PRKCQ: variants seen among roughly 807,000 people sequenced by gnomAD.
PRKCQ encodes protein kinase C theta type.
PRKCQ carries 41 observed loss-of-function variants against 91.2 expected under a neutral mutation model. The observed-to-expected ratio is 0.45, with a 90% CI of 0.35 to 0.58. The LOEUF (loss-of-function observed/expected upper bound fraction) is 0.58. PRKCQ is among the 20% of genes least tolerant of loss of function. The pLI is 0.00. For synonymous variants in PRKCQ, 307 were observed against 316.9 expected, an observed-to-expected ratio of 0.97 and a Z score of 0.33; for missense variants, 673 against 896.5, an observed-to-expected ratio of 0.75 and a Z score of 3.18.
intron 12 of PRKCQ, among the ~76,000 whole-genome samples, chr10:6,466,806 G>C (rs944138375): frequency 1.3e-5 from 2 of 152,160 alleles, no homozygotes; most frequent in Non-Finnish European, 2.9e-5. Context: ...AGAAGTGTCT[G>C]CCTGCTGGAA....
rs1840707775 is a variant in PRKCQ, at chr10:6,563,414, C to A, written c.-10+16797G>T. Among the ~76,000 whole-genome samples, 8 of 152,156 alleles carry A rather than the reference C, an allele frequency of 5.3e-5. No individual in the cohort carries two copies. The South Asian group carries it at 1.7e-3, about 32-fold the overall frequency. ...CCCCATGGGGACAGGTCTCCATGGC[C>A]CGTCCTGATGTTGGGCCATCTCTCC... On this transcript the variant is annotated intron_variant, in intron 1 of 17. Transcript: ENST00000263125.
chr10:6,522,077 G>A (rs1350960669), intron 1 of PRKCQ, among the ~76,000 whole-genome samples: 1 of 152,152 alleles, frequency 6.6e-6, no homozygotes, highest in Non-Finnish European at 1.5e-5. Flanking sequence ...CGAGTAGCGG[G>A]ATTACAGGTG....
At chr10:6,512,698 AAC>A (rs1257957408) in intron 2 of PRKCQ, among the ~76,000 whole-genome samples, 1 of 152,220 alleles carries the variant, frequency 6.6e-6, no homozygotes, top group Non-Finnish European at 1.5e-5. Flanking sequence ...CCTTCTGTCC[AAC>A]ACACAAAGCT....
At chr10:6,551,438 G>A (rs960143961) in intron 1 of PRKCQ, among the ~76,000 whole-genome samples, 9 of 147,696 alleles carry the variant, frequency 6.1e-5, no homozygotes, top group African/African-American at 2.3e-4. Context: ...CTGTCACCCA[G>A]GCTGGAGTGC....
chr10:6,579,472 A>G (rs1174204761), intron 1 of PRKCQ, among the ~76,000 whole-genome samples: 1 of 152,080 alleles, frequency 6.6e-6, no homozygotes, highest in African/African-American at 2.4e-5. Flanking sequence ...CTTCATGCCC[A>G]CGGGGGAGTG....
chr10:6,562,154 G>A lies in PRKCQ; in HGVS notation c.-10+18057C>T, dbSNP rs569852733. Among the ~76,000 whole-genome samples, 13 of 152,208 alleles carry A rather than the reference G, an allele frequency of 8.5e-5. 1 individual carries two copies. The highest frequency in any genetic ancestry group is 2.2e-4 in the African/African-American group (9 of 41,528). The stretch of plus-strand genomic sequence containing the variant: ...TGGACGCTCGTGGGTAAGGAAGAAC[G>A]AAGGAGAAGCCCACTCAGGCTTGTC... On this transcript the variant is annotated intron_variant, in intron 1 of 17. Transcript: ENST00000263125.
intron 1 of PRKCQ, among the ~76,000 whole-genome samples, chr10:6,521,921 T>TTTATTTATTTA (rs776048874): frequency 0.039 from 3,767 of 95,970 alleles, 59 homozygotes; most frequent in African/African-American, 0.045. Flanking sequence ...TGTTATGTTA[T>TTTATTTATTTA]GTTATTTATT....
chr10:6,412,116 G>C, the PRKCQ span, among the ~76,000 whole-genome samples: 2 of 152,144 alleles, frequency 1.3e-5, no homozygotes, highest in African/African-American at 4.8e-5. Context: ...GGAGAGTAAT[G>C]GTGCCATCAT....
intron 14 of PRKCQ, among the ~76,000 whole-genome samples, chr10:6,457,342 G>A (rs528480259): frequency 6.6e-6 from 1 of 152,290 alleles, no homozygotes; most frequent in African/African-American, 2.4e-5. Flanking sequence ...TTAGGGAAAT[G>A]TAACTGATAA....
At chr10:6,546,510 G>A (rs551065653) in intron 1 of PRKCQ, among the ~76,000 whole-genome samples, 3 of 152,304 alleles carry the variant, frequency 2.0e-5, no homozygotes, top group South Asian at 4.1e-4. Context: ...GTGAATGGGA[G>A]TTCACTCATG....
At chr10:6,437,235 C>T (rs758964361) in intron 16 of PRKCQ, among the ~76,000 whole-genome samples, 4 of 152,126 alleles carry the variant, frequency 2.6e-5, no homozygotes, top group Non-Finnish European at 5.9e-5. Flanking sequence ...TAGGTAAGGG[C>T]TTTATGGAGA....
intron 1 of PRKCQ, among the ~76,000 whole-genome samples, chr10:6,551,868 T>C (rs1840198144): frequency 6.6e-6 from 1 of 152,252 alleles, no homozygotes; most frequent in African/African-American, 2.4e-5. Flanking sequence ...ATGGTAGCTC[T>C]GTTTTTAGCT....
intron 14 of PRKCQ, among the ~76,000 whole-genome samples, chr10:6,461,764 G>A (rs1300070657): frequency 6.6e-6 from 1 of 152,086 alleles, no homozygotes; most frequent in Non-Finnish European, 1.5e-5. Context: ...CAGTGAGTTG[G>A]AAATCTGACA....
At chr10:6,426,696 T>C (rs1295804058), downstream of PRKCQ, among the ~76,000 whole-genome samples, 1 of 152,214 alleles carries the variant, frequency 6.6e-6, no homozygotes, top group Non-Finnish European at 1.5e-5. Context: ...AGTCTGCTTA[T>C]ATTAATTATT....
chr10:6,437,673 A>T (rs1240760586), intron 16 of PRKCQ, among the ~76,000 whole-genome samples: 1 of 151,852 alleles, frequency 6.6e-6, no homozygotes, highest in Non-Finnish European at 1.5e-5. Flanking sequence ...TTTTTTTGAG[A>T]TGGAGTCTTG....
At position 6,479,092 on chromosome 10, in the gene PRKCQ, A is replaced by G. The variant is rs769589253; in HGVS notation, c.1253T>C (p.Met418Thr). The change falls in exon 12 of 18, where the codon ATG becomes ACG. Residue 418 changes from methionine to threonine, a missense_variant. Coordinates refer to ENST00000263125, the MANE Select transcript of PRKCQ (RefSeq NM_006257.5). ...IKALKKDVVL[M>T]DDDVECTMVE... ...CATCGTGCACTCAACATCATCGTCC[A>G]TCAAGACCACATCTTTCTTTAAGGC... 1.2e-6 allele frequency: 2 copies of G among 1,614,264 alleles called. No homozygotes were observed. The highest frequency in any genetic ancestry group is 8.5e-7 in the Non-Finnish European group (1 of 1,180,040).
chr10:6,450,018 GCAT>G (rs1834563884), intron 15 of PRKCQ, among the ~76,000 whole-genome samples: 1 of 151,050 alleles, frequency 6.6e-6, no homozygotes, highest in Non-Finnish European at 1.5e-5. Context: ...GGAAGAAACT[GCAT>G]CAACTAACGA....
chr10:6,406,033 GT>G, the PRKCQ span, among the ~76,000 whole-genome samples: 1 of 152,174 alleles, frequency 6.6e-6, no homozygotes, highest in Non-Finnish European at 1.5e-5. Context: ...TGGGCCATTT[GT>G]TTTGGGCCTT....
intron 1 of PRKCQ, among the ~76,000 whole-genome samples, chr10:6,574,315 T>C (rs1337743672): frequency 1.3e-5 from 2 of 152,162 alleles, no homozygotes; most frequent in Non-Finnish European, 2.9e-5. Flanking sequence ...CTTGTATACA[T>C]TGGTAGATAA....
Sources: allele counts gnomAD v4.1 joint callset (sites outside exome capture counted in the v4.1 genomes callset), GRCh38; gene constraint gnomAD v4.1.1; transcripts MANE v1.5; gene names NCBI Gene and HGNC (gene_info 2026-07-23, HGNC 2026-07-21).